The following PRELID2 variants were observed in gnomAD, a reference collection of about 807,000 sequenced individuals.
The protein encoded by PRELID2 is PRELI domain containing 2.
PRELID2 carries 25 observed loss-of-function variants against 28.4 expected under a neutral mutation model. The ratio of observed to expected loss-of-function variants is 0.88; its 90% CI spans 0.64 to 1.23. The LOEUF (loss-of-function observed/expected upper bound fraction) is 1.23. Among genes scored for constraint, PRELID2 ranks in the 50% most tolerant of loss-of-function variants. PRELID2 has a pLI of 0.00. For missense variants in PRELID2, 201 were observed against 214.4 expected (o/e 0.94, Z 0.39); for synonymous variants, 76 against 71.6 (o/e 1.06, Z -0.31).
chr5:145,281,653 C>A, the PRELID2 span, among the ~76,000 whole-genome samples: 2 of 152,280 alleles, frequency 1.3e-5, no homozygotes, highest in South Asian at 4.1e-4. Flanking sequence ...ATGGAATGAG[C>A]AGAGATAACA....
chr5:145,363,831 A>C, the PRELID2 span, among the ~76,000 whole-genome samples: 1 of 152,010 alleles, frequency 6.6e-6, no homozygotes, highest in Non-Finnish European at 1.5e-5. Context: ...CTGTTTCCCA[A>C]ATAATATTTC....
chr5:145,244,341 A>C, the PRELID2 span, among the ~76,000 whole-genome samples: 1 of 152,108 alleles, frequency 6.6e-6, no homozygotes, highest in Non-Finnish European at 1.5e-5. Flanking sequence ...TTGAGGACAC[A>C]GACCACTTGT....
chr5:145,533,566 C>T (rs1019580884), intron 1 of PRELID2, among the ~76,000 whole-genome samples: 15 of 152,032 alleles, frequency 9.9e-5, no homozygotes, highest in African/African-American at 3.4e-4. Flanking sequence ...TATTCCTCAC[C>T]ATAGCTCTAA....
intron 1 of PRELID2, among the ~76,000 whole-genome samples, chr5:145,728,154 C>T (rs1756227888): frequency 6.6e-6 from 1 of 152,120 alleles, no homozygotes; most frequent in Non-Finnish European, 1.5e-5. Flanking sequence ...CTCTAGAGCA[C>T]TGACCGTATA....
chr5:145,423,529 G>A, the PRELID2 span, among the ~76,000 whole-genome samples: 636 of 149,384 alleles, frequency 4.3e-3, 6 homozygotes, highest in African/African-American at 0.011. Flanking sequence ...TGATCGCATC[G>A]GCTCCTGAGG....
chr5:145,382,196 TA>T, the PRELID2 span, among the ~76,000 whole-genome samples: 1 of 151,550 alleles, frequency 6.6e-6, no homozygotes, highest in Admixed American at 6.6e-5. Flanking sequence ...GACAGAGCAA[TA>T]AAAAGTATAC....
the PRELID2 span, among the ~76,000 whole-genome samples, chr5:145,273,214 T>A: frequency 6.6e-6 from 1 of 152,074 alleles, no homozygotes; most frequent in Non-Finnish European, 1.5e-5. Flanking sequence ...CTCGAATTAT[T>A]TTCCTAGGGG....
the PRELID2 span, among the ~76,000 whole-genome samples, chr5:145,397,877 TG>T: frequency 6.6e-6 from 1 of 152,110 alleles, no homozygotes. Flanking sequence ...CAAATGTAGT[TG>T]TGGCGGGAAT....
At chr5:145,274,442 C>A in the PRELID2 span, among the ~76,000 whole-genome samples, 1 of 152,092 alleles carries the variant, frequency 6.6e-6, no homozygotes, top group Non-Finnish European at 1.5e-5. Flanking sequence ...AATTTATGGA[C>A]CCCGCGGCAG....
At chr5:145,609,582 G>C (rs1753582105) in intron 1 of PRELID2, among the ~76,000 whole-genome samples, 1 of 152,256 alleles carries the variant, frequency 6.6e-6, no homozygotes, top group Admixed American at 6.5e-5. Context: ...TGCCTGCAGA[G>C]TTTAGGCATA....
chr5:145,355,686 A>G, the PRELID2 span, among the ~76,000 whole-genome samples: 2 of 152,156 alleles, frequency 1.3e-5, no homozygotes, highest in Non-Finnish European at 2.9e-5. Context: ...AGGCAGAGCA[A>G]AAAAAGCATG....
the PRELID2 span, among the ~76,000 whole-genome samples, chr5:145,315,548 GTGTGTGTGTGTGTGT>G: frequency 1.1e-4 from 5 of 44,200 alleles, no homozygotes; most frequent in Admixed American, 7.5e-4. Flanking sequence ...CTTTCAGGGT[GTGTGTGTGTGTGTGT>G]GTGTGTGTGT....
At chr5:145,621,903 T>C (rs1324567285) in intron 1 of PRELID2, among the ~76,000 whole-genome samples, 1 of 152,168 alleles carries the variant, frequency 6.6e-6, no homozygotes, top group Non-Finnish European at 1.5e-5. Context: ...CTCTATTTGG[T>C]CATCACACAT....
intron 1 of PRELID2, among the ~76,000 whole-genome samples, chr5:145,526,722 G>A (rs1057375898): frequency 6.6e-6 from 1 of 151,900 alleles, no homozygotes; most frequent in Non-Finnish European, 1.5e-5. Context: ...GTAGTATTCA[G>A]CATTGCAATG....
chr5:145,768,712 A>G (rs1271538056), intron 5 of PRELID2, among the ~76,000 whole-genome samples: 4 of 152,198 alleles, frequency 2.6e-5, no homozygotes, highest in African/African-American at 9.6e-5. Flanking sequence ...TAAGACCTCC[A>G]CCACTTATTG....
the PRELID2 span, among the ~76,000 whole-genome samples, chr5:145,365,093 C>T: frequency 2.0e-5 from 3 of 151,746 alleles, no homozygotes; most frequent in African/African-American, 7.3e-5. Context: ...ATGGTAGTTA[C>T]CAGAAACTGG....
chr5:145,502,554 C>T (rs1420188521), intron 1 of PRELID2, among the ~76,000 whole-genome samples: 1 of 152,032 alleles, frequency 6.6e-6, no homozygotes, highest in East Asian at 1.9e-4. Flanking sequence ...GCCACATTTC[C>T]ATTACTCATA....
intron 1 of PRELID2, among the ~76,000 whole-genome samples, chr5:145,698,684 T>A (rs1161363929): frequency 1.3e-5 from 2 of 152,176 alleles, no homozygotes; most frequent in African/African-American, 4.8e-5. Context: ...TTCATTCTAA[T>A]GATCTAATCA....
intron 1 of PRELID2, among the ~76,000 whole-genome samples, chr5:145,496,921 G>T (rs958491973): frequency 1.3e-5 from 2 of 152,024 alleles, no homozygotes; most frequent in Non-Finnish European, 2.9e-5. Flanking sequence ...GGAGTACAGT[G>T]GCATGACCAT....
Sources: allele counts gnomAD v4.1 joint callset (sites outside exome capture counted in the v4.1 genomes callset), GRCh38; gene constraint gnomAD v4.1.1; transcripts MANE v1.5; gene names NCBI Gene and HGNC (gene_info 2026-07-23, HGNC 2026-07-21).